ADAM12: variants seen among roughly 807,000 people sequenced by gnomAD.
ADAM12 encodes the protein ADAM metallopeptidase domain 12.
ADAM12 carries 70 observed loss-of-function variants against 106.4 expected under a neutral mutation model. The ratio of observed to expected loss-of-function variants is 0.66; its 90% CI spans 0.54 to 0.80. The LOEUF (loss-of-function observed/expected upper bound fraction) is 0.80. Ranked by LOEUF, ADAM12 falls within the 30% of genes least tolerant of loss-of-function variation. The pLI is 0.00. For synonymous variants in ADAM12, 420 were observed against 433.5 expected, an observed-to-expected ratio of 0.97 and a Z score of 0.39; for missense variants, 1,010 against 1,171.9, an observed-to-expected ratio of 0.86 and a Z score of 2.02.
At chr10:126,161,252 T>A (rs1484677417) in intron 3 of ADAM12, among the ~76,000 whole-genome samples, 1 of 152,186 alleles carries the variant, frequency 6.6e-6, no homozygotes, top group African/African-American at 2.4e-5. Flanking sequence ...CTGGTCCAGG[T>A]ACTGTGCTGA....
intron 21 of ADAM12, among the ~76,000 whole-genome samples, chr10:126,034,794 TATC>T (rs777034125): frequency 2.0e-5 from 3 of 152,144 alleles, no homozygotes; most frequent in Non-Finnish European, 4.4e-5. Context: ...TATTGTGAAA[TATC>T]ATTCATGATT....
chr10:126,137,766 A>G (rs1565087443), intron 4 of ADAM12, among the ~76,000 whole-genome samples: 1 of 152,232 alleles, frequency 6.6e-6, no homozygotes, highest in African/African-American at 2.4e-5. Flanking sequence ...GGATGAAAAC[A>G]TATTTTGCTT....
At chr10:126,017,463 G>T in intron 22 of ADAM12, 124 bp from the exon 23 acceptor site, 2 of 855,816 alleles carry the variant, frequency 2.3e-6, no homozygotes, top group Non-Finnish European at 3.5e-6. Flanking sequence ...AGATACCACT[G>T]CCCCTCATAA....
intron 5 of ADAM12, among the ~76,000 whole-genome samples, chr10:126,131,417 A>G (rs2133664615): frequency 6.6e-6 from 1 of 152,202 alleles, no homozygotes; most frequent in East Asian, 1.9e-4. Context: ...CTGCCAACAA[A>G]ACAAAACAAC....
intron 22 of ADAM12, among the ~76,000 whole-genome samples, chr10:126,018,501 T>G (rs1953700610): frequency 6.6e-6 from 1 of 152,206 alleles, no homozygotes; most frequent in Non-Finnish European, 1.5e-5. Context: ...ACAGAAATAA[T>G]GGATGAGTGC....
At chr10:126,101,293 A>C in intron 8 of ADAM12, 52 bp from the exon 9 acceptor site, 1 of 1,572,104 alleles carries the variant, frequency 6.4e-7, no homozygotes, top group Non-Finnish European at 8.7e-7. Flanking sequence ...GTTAATAAAA[A>C]CTCGAAATGA....
intron 16 of ADAM12, among the ~76,000 whole-genome samples, chr10:126,047,212 T>C (rs1359497322): frequency 1.3e-5 from 2 of 152,192 alleles, no homozygotes. Context: ...AACGTTCAAA[T>C]GGCAGAAGAA....
chr10:126,179,190 G>A (rs573369781), intron 3 of ADAM12, among the ~76,000 whole-genome samples: 2 of 152,292 alleles, frequency 1.3e-5, no homozygotes, highest in African/African-American at 4.8e-5. Flanking sequence ...CAAAGTTTTC[G>A]TAAATATTGG....
chr10:126,237,395 C>T (rs1958439880), intron 3 of ADAM12, among the ~76,000 whole-genome samples: 1 of 152,164 alleles, frequency 6.6e-6, no homozygotes, highest in South Asian at 2.1e-4. Flanking sequence ...ATACCCATCA[C>T]CCCAATTCAA....
At chr10:126,156,784 G>A (rs1005534157) in intron 3 of ADAM12, among the ~76,000 whole-genome samples, 1 of 152,234 alleles carries the variant, frequency 6.6e-6, no homozygotes, top group Non-Finnish European at 1.5e-5. Flanking sequence ...GGTGGAAGGA[G>A]AGGGGAAATC....
In ADAM12 at chr10:126,153,848, G is replaced by C. The variant is rs10159902; in HGVS notation, c.339+1379C>G. Among the ~76,000 whole-genome samples, 690 of 152,248 alleles carry C rather than the reference G, an allele frequency of 4.5e-3. 6 individuals are homozygous for C. Among genetic ancestry groups the C allele is most frequent in the African/African-American group, 0.016 (663 of 41,536 alleles). Reference sequence around the variant, plus strand: ...AGTTTTGAGGTCAATATCTTGACTGGGAATTCCATTCCTACGCTGGTATTA... The same window carrying C: ...AGTTTTGAGGTCAATATCTTGACTGCGAATTCCATTCCTACGCTGGTATTA... On this transcript the variant is annotated intron_variant, in intron 4 of 22. Transcript: ENST00000448723.
chr10:126,235,148 T>C (rs1222837862), intron 3 of ADAM12, among the ~76,000 whole-genome samples: 1 of 152,176 alleles, frequency 6.6e-6, no homozygotes, highest in Non-Finnish European at 1.5e-5. Flanking sequence ...CACCGCAGGT[T>C]GGGGCCACCC....
chr10:126,098,109 C>T (rs114610996), intron 10 of ADAM12, among the ~76,000 whole-genome samples: 9,080 of 152,214 alleles, frequency 0.06, 884 homozygotes, highest in African/African-American at 0.21. Context: ...AATGCCCTGG[C>T]TCACCCCAGT....
intron 11 of ADAM12, among the ~76,000 whole-genome samples, chr10:126,092,327 C>T (rs1199057475): frequency 1.3e-5 from 2 of 152,152 alleles, no homozygotes; most frequent in Admixed American, 6.5e-5. Flanking sequence ...CAGTCTCCTG[C>T]CAAACTCACT....
intron 3 of ADAM12, among the ~76,000 whole-genome samples, chr10:126,156,863 G>C (rs11244849): frequency 6.6e-6 from 1 of 152,100 alleles, no homozygotes; most frequent in Non-Finnish European, 1.5e-5. Flanking sequence ...GTGGAAGACA[G>C]AGAAAGGCTC....
chr10:126,038,566 G>A (rs1420190142), intron 19 of ADAM12, among the ~76,000 whole-genome samples: 2 of 152,150 alleles, frequency 1.3e-5, no homozygotes, highest in African/African-American at 2.4e-5. Context: ...TAGTTCTCAC[G>A]CTCCATAGAA....
intron 2 of ADAM12, among the ~76,000 whole-genome samples, chr10:126,327,102 CAT>C (rs139770320): frequency 0.17 from 25,674 of 152,126 alleles, 2,352 homozygotes; most frequent in Middle Eastern, 0.28. Context: ...GAAGAATGCA[CAT>C]GAGGAGAGAA....
Position 126,047,665 on chromosome 10 carries a change from G to C in ADAM12, c.1918-1533C>G, listed in dbSNP as rs539282305. 4.9e-4 allele frequency among the ~76,000 whole-genome samples: 75 copies of C among 152,334 alleles called. 1 individual carries two copies. The highest frequency in any genetic ancestry group is 1.8e-3 in the African/African-American group (74 of 41,582). On this transcript the variant is annotated intron_variant, in intron 16 of 22. Transcript: ENST00000448723. ...AACAACAGATGCTGGCAAGGTTGTGGAGAAAAAGGAACACTTATATACTGC... is the reference window on the plus strand; with the variant it reads ...AACAACAGATGCTGGCAAGGTTGTGCAGAAAAAGGAACACTTATATACTGC...
chr10:126,135,936 G>A (rs769933070), intron 4 of ADAM12, among the ~76,000 whole-genome samples: 19 of 152,154 alleles, frequency 1.2e-4, no homozygotes, highest in Non-Finnish European at 1.9e-4. Flanking sequence ...GATACAGAAC[G>A]TTTTACAAAA....
Sources: gnomAD v4.1 joint callset for allele counts (sites outside exome capture counted in the v4.1 genomes callset) on GRCh38, gnomAD v4.1.1 for gene constraint, MANE v1.5 for transcripts, NCBI Gene and HGNC (gene_info 2026-07-23, HGNC 2026-07-21) for gene names.